ANKRD26: variants seen among roughly 807,000 people sequenced by gnomAD.
ANKRD26 encodes the protein ankyrin repeat domain-containing protein 26.
ANKRD26 carries 141 observed loss-of-function variants against 208.7 expected under a neutral mutation model. The ratio of observed to expected loss-of-function variants is 0.68; its 90% CI spans 0.59 to 0.78. ANKRD26 has a LOEUF of 0.78. Among genes scored for constraint, ANKRD26 ranks in the 30% least tolerant of loss-of-function variants. ANKRD26 has a pLI of 0.00. For synonymous variants in ANKRD26, 636 were observed against 660.4 expected, an observed-to-expected ratio of 0.96 and a Z score of 0.57; for missense variants, 1,889 against 1,938.7, an observed-to-expected ratio of 0.97 and a Z score of 0.48.
the ANKRD26 span, among the ~76,000 whole-genome samples, chr10:26,959,561 G>A: frequency 1.3e-5 from 2 of 151,678 alleles, no homozygotes; most frequent in Non-Finnish European, 2.9e-5. Context: ...CTATAACTAT[G>A]AAGAGAGAAA....
Position 27,078,655 on chromosome 10 carries a change from A to G in ANKRD26, c.813+434T>C, listed in dbSNP as rs536033647. Among the ~76,000 whole-genome samples, 15 of 152,306 alleles carry G rather than the reference A, an allele frequency of 9.8e-5. No individual in the cohort carries two copies. In the East Asian group the frequency reaches 2.7e-3, roughly 27 times the overall value. ...CAGTTTAATTTTAAGTCATCCAATT[A>G]GTTAAAAATGATCATCTACTACTAC... On this transcript the variant is annotated intron_variant, in intron 7 of 33. Coordinates refer to ENST00000376087, the MANE Select transcript of ANKRD26 (RefSeq NM_014915.3).
intron 32 of ANKRD26, among the ~76,000 whole-genome samples, chr10:27,010,860 T>A (rs998773554): frequency 6.6e-6 from 1 of 152,174 alleles, no homozygotes; most frequent in African/African-American, 2.4e-5. Context: ...GAAAATTTCA[T>A]GACTCTGAAG....
At chr10:27,010,420 C>T (rs976336053) in intron 32 of ANKRD26, among the ~76,000 whole-genome samples, 6 of 152,120 alleles carry the variant, frequency 3.9e-5, no homozygotes, top group Non-Finnish European at 7.4e-5. Context: ...ATGTTGTTAC[C>T]TGAGTTTTCT....
the ANKRD26 span, among the ~76,000 whole-genome samples, chr10:26,958,039 T>C: frequency 2.0e-5 from 3 of 151,192 alleles, no homozygotes; most frequent in Non-Finnish European, 2.9e-5. Context: ...TGTGCCATGG[T>C]GGTTTACTGC....
Position 27,013,056 on chromosome 10 carries a change from CT to C in ANKRD26, c.4778del (p.Gln1593ArgfsTer27). 1 of 1,614,010 alleles carries C rather than the reference CT, an allele frequency of 6.2e-7. No homozygotes were observed. On this transcript the variant is annotated frameshift_variant, in exon 32 of 34. Transcript: ENST00000376087. LOFTEE classifies it high-confidence loss of function. ...TGAGAGTGGTGAACAAAGATCTGCT[CT>C]GCTGTTTTTCCACAAGAAGTTTGGT... The part of the protein sequence containing the change: ...VNTKLLVEKQ[Q>X]SRSLFTTLTT...
chr10:26,949,920 C>T, the ANKRD26 span, among the ~76,000 whole-genome samples: 1 of 152,160 alleles, frequency 6.6e-6, no homozygotes. Flanking sequence ...TCACCTACAC[C>T]TTTTTTCACT....
At chr10:26,982,280 T>C (rs1326104476) in intron 4 of ANKRD26, among the ~76,000 whole-genome samples, 2 of 152,166 alleles carry the variant, frequency 1.3e-5, no homozygotes, top group African/African-American at 2.4e-5. Context: ...GGGAGCTAAG[T>C]AGCCTTTTAT....
chr10:26,973,156 T>C (rs2052174960), downstream of ANKRD26, among the ~76,000 whole-genome samples: 1 of 152,230 alleles, frequency 6.6e-6, no homozygotes, highest in South Asian at 2.1e-4. Context: ...ATCTACTTTT[T>C]TGCATTTTAA....
chr10:27,052,478 A>G (rs2054696129), intron 16 of ANKRD26, among the ~76,000 whole-genome samples: 1 of 152,134 alleles, frequency 6.6e-6, no homozygotes, highest in South Asian at 2.1e-4. Context: ...TACTTTTTGT[A>G]AAGATTTCTA....
At chr10:27,077,243 A>G (rs2055730813) in intron 9 of ANKRD26, 95 bp downstream of exon 9, 3 of 1,127,974 alleles carry the variant, frequency 2.7e-6, no homozygotes, top group Non-Finnish European at 4.0e-6. Context: ...AATTAGAAAC[A>G]AAAACTGTAT....
chr10:26,993,632 C>T (rs1356181506), intron 5 of ANKRD26, among the ~76,000 whole-genome samples: 1 of 152,178 alleles, frequency 6.6e-6, no homozygotes, highest in Non-Finnish European at 1.5e-5. Context: ...CCTCTGAAAA[C>T]CTTTTCCCAT....
At chr10:27,099,471 T>C (rs2056573753) in intron 1 of ANKRD26, among the ~76,000 whole-genome samples, 1 of 151,882 alleles carries the variant, frequency 6.6e-6, no homozygotes, top group Non-Finnish European at 1.5e-5. Flanking sequence ...TCTTGCTCTG[T>C]TGTCACTGAC....
intron 4 of ANKRD26, among the ~76,000 whole-genome samples, chr10:26,996,924 C>T (rs1056068189): frequency 6.6e-6 from 1 of 152,120 alleles, no homozygotes; most frequent in Non-Finnish European, 1.5e-5. Flanking sequence ...TTCCCAGACA[C>T]AAGATGATAT....
At chr10:27,001,992 T>C (rs1327699889), downstream of ANKRD26, among the ~76,000 whole-genome samples, 2 of 152,154 alleles carry the variant, frequency 1.3e-5, no homozygotes, top group Non-Finnish European at 2.9e-5. Flanking sequence ...AGGGCACTCC[T>C]GAAAAGTAGA....
At chr10:27,065,282 G>A (rs928498403) in intron 11 of ANKRD26, among the ~76,000 whole-genome samples, 7 of 152,154 alleles carry the variant, frequency 4.6e-5, no homozygotes, top group African/African-American at 1.4e-4. Context: ...GTTCCTACTA[G>A]TAGAGCATAA....
intron 9 of ANKRD26, among the ~76,000 whole-genome samples, chr10:27,073,793 G>A (rs2055590229): frequency 6.6e-6 from 1 of 152,176 alleles, no homozygotes; most frequent in African/African-American, 2.4e-5. Flanking sequence ...AGATTCGTGA[G>A]ACTTCTGCCA....
chr10:27,037,122 A>T (rs572859424), intron 23 of ANKRD26, 64 bp downstream of exon 23: 91 of 1,532,098 alleles, frequency 5.9e-5, no homozygotes, highest in Middle Eastern at 5.6e-4. Context: ...TGGTTTTTAA[A>T]ATATATACAC....
intron 6 of ANKRD26, 55 bp from the exon 7 acceptor site, chr10:27,079,216 A>G: frequency 6.7e-7 from 1 of 1,494,428 alleles, no homozygotes; most frequent in Non-Finnish European, 9.3e-7. Flanking sequence ...AAAACAAAAC[A>G]AAAACCAGCT....
rs536853362 is a variant in ANKRD26, at chr10:27,067,026, C to T, written c.1207+131G>A. On this transcript the variant is annotated intron_variant, in intron 10 of 33. Transcript: ENST00000376087. ...TTCATCATGTTGGCTAGGCTGGTCTCGAACTCCTGACCTCAGGTGATCCAC... is the reference window on the plus strand; with the variant it reads ...TTCATCATGTTGGCTAGGCTGGTCTTGAACTCCTGACCTCAGGTGATCCAC... 9.2e-6 allele frequency: 9 copies of T among 977,306 alleles called. No individual in the cohort carries two copies. In the African/African-American group the frequency reaches 9.7e-5, roughly 11 times the overall value. The allele number at this position is 977,306 out of a possible 1,614,324, so 60.5% of individuals were successfully genotyped here.
Sources: allele counts gnomAD v4.1 joint callset (sites outside exome capture counted in the v4.1 genomes callset), GRCh38; gene constraint gnomAD v4.1.1; transcripts MANE v1.5; gene names NCBI Gene and HGNC (gene_info 2026-07-23, HGNC 2026-07-21).